TOMM7: variants seen among roughly 807,000 people sequenced by gnomAD.
The protein encoded by TOMM7 is translocase of outer mitochondrial membrane 7.
Under a neutral mutation model 9.5 loss-of-function variants are expected in TOMM7, and 8 were observed. The observed-to-expected ratio is 0.84, with a 90% CI of 0.49 to 1.51. TOMM7 has a LOEUF of 1.51. TOMM7 is among the 40% of genes most tolerant of loss of function. TOMM7 has a pLI of 0.00. For synonymous variants in TOMM7, 27 were observed against 21.4 expected, an observed-to-expected ratio of 1.26 and a Z score of -0.72; for missense variants, 74 against 63.7, an observed-to-expected ratio of 1.16 and a Z score of -0.55.
rs1782342662 is a variant in TOMM7, at chr7:22,818,291, CAG to C, written c.104-245_104-244del. Reference sequence around the variant, plus strand: ...CTATCTTATTCCTTTCTTTTTGAGACAGAGTCTCACTCTGTCACCCAGGCTGG... The same window carrying C: ...CTATCTTATTCCTTTCTTTTTGAGACAGTCTCACTCTGTCACCCAGGCTGG... On this transcript the variant is annotated intron_variant, in intron 1 of 2. Transcript: ENST00000358435. 2.1e-5 allele frequency: 8 copies of C among 381,748 alleles called. No homozygotes were observed. In the South Asian group the frequency reaches 2.3e-4, roughly 11 times the overall value. The allele number at this position is 381,748 out of a possible 1,614,324, so 23.6% of individuals were successfully genotyped here. A position where few individuals can be genotyped will look rare whatever the true frequency, so the allele number is the denominator to read the frequency against.
At chr7:22,819,808 A>G (rs1490124561) in intron 1 of TOMM7, among the ~76,000 whole-genome samples, 1 of 152,242 alleles carries the variant, frequency 6.6e-6, no homozygotes, top group Non-Finnish European at 1.5e-5. Flanking sequence ...GCCTCTGCTT[A>G]TAAGATGTGC....
intron 2 of TOMM7, among the ~76,000 whole-genome samples, chr7:22,816,822 T>C (rs1326337286): frequency 1.3e-5 from 2 of 152,222 alleles, no homozygotes; most frequent in Non-Finnish European, 2.9e-5. Flanking sequence ...AATGTGAGCT[T>C]TGGAAATAGA....
chr7:22,812,980 T>TAA lies in TOMM7; in HGVS notation c.*188_*189dup. Reference sequence around the variant, plus strand: ...AAAAAAGACTCAAGCATAACACTGTTAAAAACATTTATTCTGATACATTCT... The same window carrying TAA: ...AAAAAAGACTCAAGCATAACACTGTTAAAAAAACATTTATTCTGATACATTCT... On this transcript the variant is annotated 3_prime_UTR_variant, in exon 3 of 3. Transcript: ENST00000358435. 1.7e-6 allele frequency: 1 copy of TAA among 586,626 alleles called. No homozygotes were observed. Among genetic ancestry groups the TAA allele is most frequent in the Non-Finnish European group, 3.1e-6 (1 of 325,462 alleles). The allele number at this position is 586,626 out of a possible 1,614,324, so 36.3% of individuals were successfully genotyped here.
At chr7:22,821,931 G>C (rs4354221) in intron 1 of TOMM7, among the ~76,000 whole-genome samples, 101,658 of 152,000 alleles carry the variant, frequency 0.67, 34,788 homozygotes, top group East Asian at 0.84. Context: ...GCACAGGAGG[G>C]GAAGGTTGCA....
chr7:22,820,491 A>G (rs905396485), intron 1 of TOMM7, among the ~76,000 whole-genome samples: 1 of 152,236 alleles, frequency 6.6e-6, no homozygotes, highest in East Asian at 1.9e-4. Flanking sequence ...AGGAGGGAAC[A>G]GTAGATGAAA....
intron 2 of TOMM7, among the ~76,000 whole-genome samples, chr7:22,816,752 T>C (rs1260701035): frequency 6.6e-6 from 1 of 152,206 alleles, no homozygotes; most frequent in African/African-American, 2.4e-5. Context: ...CAGATAGTAT[T>C]GTGCTAAGTT....
chr7:22,813,320 A>T, intron 2 of TOMM7, 135 bp from the exon 3 acceptor site: 1 of 739,680 alleles, frequency 1.4e-6, no homozygotes, highest in Non-Finnish European at 2.2e-6. Context: ...AAAGACAAGG[A>T]TCAATCCCAC....
intron 1 of TOMM7, among the ~76,000 whole-genome samples, chr7:22,819,783 C>G (rs1474674399): frequency 6.6e-6 from 1 of 152,152 alleles, no homozygotes; most frequent in Non-Finnish European, 1.5e-5. Flanking sequence ...TAATATGGAA[C>G]AAAGGGTCAT....
rs1378635767 is a variant in TOMM7 at position 22,822,849 on chromosome 7, G to C, written c.-70C>G. 2.4e-6 allele frequency: 3 copies of C among 1,259,140 alleles called. No homozygotes were observed. The highest frequency in any genetic ancestry group is 3.0e-5 in the African/African-American group (2 of 67,370). 78.0% of individuals were successfully genotyped at this position (1,259,140 alleles called of 1,614,324 possible). A position where few individuals can be genotyped will look rare whatever the true frequency, so the allele number is the denominator to read the frequency against. On this transcript the variant is annotated 5_prime_UTR_variant, in exon 1 of 3. Coordinates refer to ENST00000358435, the MANE Select transcript of TOMM7 (RefSeq NM_019059.5). ...AGCGTCGGGAATCCGAAAGGGAAAG[G>C]AGGTGCGCAGGCGCCACACACGGCC...
intron 1 of TOMM7, chr7:22,822,059 G>T: frequency 7.2e-7 from 1 of 1,398,416 alleles, no homozygotes; most frequent in African/African-American, 1.4e-5. Context: ...TTAAGACTAT[G>T]GGCTCTGATG....
In TOMM7 at chr7:22,815,978, A is replaced by G. The variant is rs79813734; in HGVS notation, c.152+2022T>C. ...GGAAACTAAGGGGAAAAAGCATTCC[A>G]GGCTGAGGGAGCACAAGCATAGGAA... On this transcript the variant is annotated intron_variant, in intron 2 of 2. Transcript: ENST00000358435. Among the ~76,000 whole-genome samples the G allele has an allele frequency of 6.4e-3, 980 of 152,332 alleles. 8 individuals carry two copies. The highest frequency in any genetic ancestry group is 0.01 in the Middle Eastern group (3 of 294).
At chr7:22,820,247 C>T (rs1472309758) in intron 1 of TOMM7, among the ~76,000 whole-genome samples, 1 of 152,178 alleles carries the variant, frequency 6.6e-6, no homozygotes, top group African/African-American at 2.4e-5. Context: ...TAGACAAGTA[C>T]TGGAAAGACA....
intron 2 of TOMM7, among the ~76,000 whole-genome samples, chr7:22,815,776 T>C (rs1156974861): frequency 1.3e-5 from 2 of 151,990 alleles, no homozygotes; most frequent in Non-Finnish European, 2.9e-5. Flanking sequence ...TCCCAGGAGT[T>C]TGAGACCAGA....
intron 2 of TOMM7, among the ~76,000 whole-genome samples, chr7:22,817,142 C>T (rs1362879934): frequency 6.6e-6 from 1 of 152,144 alleles, no homozygotes; most frequent in African/African-American, 2.4e-5. Context: ...AAGTATCAGT[C>T]GTTCCTCCAG....
chr7:22,813,137 A>C lies in TOMM7; in HGVS notation c.*33T>G, dbSNP rs780351479. On this transcript the variant is annotated 3_prime_UTR_variant, in exon 3 of 3. Transcript: ENST00000358435. The stretch of plus-strand genomic sequence containing the variant: ...CACACATCTTCCATGCTGTCCGCTG[A>C]TTGCCTCCAAATCCAGAAGACCAAA... 4.3e-6 allele frequency: 7 copies of C among 1,612,966 alleles called. No individual in the cohort carries two copies. In the African/African-American group the frequency reaches 8.0e-5, roughly 18 times the overall value.
intron 2 of TOMM7, among the ~76,000 whole-genome samples, chr7:22,814,040 G>C (rs572258366): frequency 4.7e-5 from 7 of 150,170 alleles, no homozygotes; most frequent in Non-Finnish European, 7.4e-5. Flanking sequence ...GTTAAGATAT[G>C]AAAATAAATT....
At chr7:22,817,548 C>T in intron 2 of TOMM7, 1 of 187,796 alleles carries the variant, frequency 5.3e-6, no homozygotes, top group East Asian at 1.7e-4. Flanking sequence ...GCCACCACAC[C>T]CTGCCCAAAT....
chr7:22,815,807 C>T (rs1782309754), intron 2 of TOMM7, among the ~76,000 whole-genome samples: 1 of 151,842 alleles, frequency 6.6e-6, no homozygotes, highest in African/African-American at 2.4e-5. Context: ...GGGCGAGATC[C>T]TGCCTCTATA....
At chr7:22,813,686 G>GC (rs1782278475) in intron 2 of TOMM7, among the ~76,000 whole-genome samples, 1 of 151,406 alleles carries the variant, frequency 6.6e-6, no homozygotes, top group Non-Finnish European at 1.5e-5. Flanking sequence ...TGGCCTAAGT[G>GC]CCCTTACAAC....
Sources: allele counts gnomAD v4.1 joint callset (sites outside exome capture counted in the v4.1 genomes callset), GRCh38; gene constraint gnomAD v4.1.1; transcripts MANE v1.5; gene names NCBI Gene and HGNC (gene_info 2026-07-23, HGNC 2026-07-21).